The following U2SURP variants were observed in gnomAD, a reference collection of about 807,000 sequenced individuals.
U2SURP encodes the protein U2 snRNP associated SURP domain containing.
In U2SURP, 9 loss-of-function variants were observed where a neutral mutation model predicts 144.9. That is an observed-to-expected ratio of 0.06 (90% CI 0.04 to 0.11). The LOEUF is 0.11. Ranked by LOEUF, U2SURP falls within the 10% of genes least tolerant of loss-of-function variation. The pLI is 1.00. For missense variants in U2SURP, 724 were observed against 1,226.7 expected, an observed-to-expected ratio of 0.59 and a Z score of 6.12; for synonymous variants, 408 against 396.8, an observed-to-expected ratio of 1.03 and a Z score of -0.33.
chr3:143,009,784 C>T (rs1936030013), intron 1 of U2SURP, among the ~76,000 whole-genome samples: 1 of 152,076 alleles, frequency 6.6e-6, no homozygotes, highest in South Asian at 2.1e-4. Flanking sequence ...GTAAATAAAA[C>T]AATACTGTAT....
intron 18 of U2SURP, 34 bp downstream of exon 18, chr3:143,033,384 T>TA: frequency 1.7e-6 from 2 of 1,154,434 alleles, no homozygotes. Flanking sequence ...ATTCCTGAAA[T>TA]AAAGTATTTA....
In U2SURP at chr3:143,059,934, A is replaced by T. The variant is rs1935306766; in HGVS notation, c.*3484A>T. ...TAATTCATTATCCTTTTGACTTAAA[A>T]TTTTTGTTACCAACTTCCTAGGACT... On this transcript the variant is annotated 3_prime_UTR_variant, in exon 28 of 28. Transcript: ENST00000473835. 2.6e-5 allele frequency: 4 copies of T among 152,342 alleles called. No homozygotes were observed. The Admixed American group carries it at 2.6e-4, about 10-fold the overall frequency. The allele number at this position is 152,342 out of a possible 1,614,324, so 9.4% of individuals were successfully genotyped here. A position where few individuals can be genotyped will look rare whatever the true frequency, so the allele number is the denominator to read the frequency against.
intron 24 of U2SURP, among the ~76,000 whole-genome samples, chr3:143,047,882 A>ACCCC (rs139906758): frequency 7.1e-6 from 1 of 140,360 alleles, no homozygotes; most frequent in Admixed American, 7.0e-5. Context: ...CGGGGGGCTG[A>ACCCC]CCCCCCCCAA....
chr3:143,055,247 A>C (rs1446983096), intron 27 of U2SURP, 128 bp downstream of exon 27: 2 of 825,138 alleles, frequency 2.4e-6, no homozygotes, highest in Non-Finnish European at 3.7e-6. Context: ...CCAAAGAGAT[A>C]CACTTTCATT....
intron 12 of U2SURP, 97 bp from the exon 13 acceptor site, chr3:143,023,878 A>G: frequency 5.4e-6 from 6 of 1,106,168 alleles, no homozygotes; most frequent in South Asian, 1.3e-5. Flanking sequence ...GTGATTAGAT[A>G]TGTAGTATTT....
intron 13 of U2SURP, chr3:143,026,864 G>T: frequency 4.8e-6 from 1 of 209,080 alleles, no homozygotes; most frequent in Non-Finnish European, 9.5e-6. Flanking sequence ...TTTTACTTTT[G>T]GAAAATAAGT....
chr3:143,016,219 T>C (rs527326432), intron 4 of U2SURP, 38 bp from the exon 5 acceptor site: 1 of 1,574,996 alleles, frequency 6.3e-7, no homozygotes, highest in African/African-American at 1.4e-5. Context: ...TTAACAATTT[T>C]TGTATTGTGT....
At chr3:143,021,318 AC>A in intron 8 of U2SURP, 31 bp from the exon 9 acceptor site, 1 of 1,567,100 alleles carries the variant, frequency 6.4e-7, no homozygotes, top group Non-Finnish European at 8.7e-7. Context: ...TATTATAAAA[AC>A]TAATAATTGT....
At chr3:143,035,940 A>G (rs761447393) in intron 19 of U2SURP, 42 bp from the exon 20 acceptor site, 1 of 1,554,178 alleles carries the variant, frequency 6.4e-7, no homozygotes, top group Non-Finnish European at 8.7e-7. Context: ...TGAGACATAT[A>G]GCCCAAAATA....
intron 16 of U2SURP, 128 bp from the exon 17 acceptor site, chr3:143,032,654 CTG>C (rs1933573060): frequency 5.5e-6 from 4 of 729,390 alleles, no homozygotes; most frequent in Non-Finnish European, 8.5e-6. Flanking sequence ...ACAAATCAGA[CTG>C]AATGTATTAC....
intron 21 of U2SURP, 107 bp downstream of exon 21, chr3:143,037,442 G>A (rs1933873928): frequency 3.7e-5 from 38 of 1,032,968 alleles, no homozygotes; most frequent in South Asian, 1.8e-5. Flanking sequence ...TCTCATGAAC[G>A]TATCAAGTTA....
intron 1 of U2SURP, among the ~76,000 whole-genome samples, chr3:143,007,894 C>G (rs987575899): frequency 8.5e-5 from 13 of 152,324 alleles, no homozygotes; most frequent in South Asian, 2.1e-4. Context: ...TTTACCTTGA[C>G]TGTTATCTTT....
chr3:143,038,378 A>G (rs1199284655), intron 22 of U2SURP, among the ~76,000 whole-genome samples, 175 bp downstream of exon 22: 4 of 151,890 alleles, frequency 2.6e-5, no homozygotes, highest in East Asian at 1.9e-4. Flanking sequence ...TGCTGTTACA[A>G]TTTTCTTAGG....
intron 20 of U2SURP, 22 bp downstream of exon 20, chr3:143,036,126 GGTT>G (rs1933796884): frequency 1.9e-6 from 3 of 1,570,396 alleles, no homozygotes; most frequent in Non-Finnish European, 2.6e-6. Context: ...GTATTTGTCT[GGTT>G]GTTTTTAAAA....
At chr3:143,019,807 A>G (rs1936545495) in intron 6 of U2SURP, among the ~76,000 whole-genome samples, 162 bp from the exon 7 acceptor site, 2 of 152,182 alleles carry the variant, frequency 1.3e-5, no homozygotes, top group Non-Finnish European at 2.9e-5. Flanking sequence ...TTTTGAAGGA[A>G]GGGGAAGGGA....
chr3:143,053,543 T>TC lies in U2SURP; in HGVS notation c.2656-133_2656-132insC, dbSNP rs1200235366. On this transcript the variant is annotated intron_variant, in intron 25 of 27. Coordinates refer to ENST00000473835, the MANE Select transcript of U2SURP (RefSeq NM_001080415.2). ...TTTCCCTGAAGGGGTAGATTTTTTTTTTTTTAATAGTATTGTACCTTAAGT... is the reference window on the plus strand; with the variant it reads ...TTTCCCTGAAGGGGTAGATTTTTTTTCTTTTTAATAGTATTGTACCTTAAGT... 6.2e-6 allele frequency: 4 copies of TC among 640,704 alleles called. No individual in the cohort carries two copies. In the South Asian group the frequency reaches 1.5e-4, roughly 24 times the overall value. The allele number at this position is 640,704 out of a possible 1,614,324, so 39.7% of individuals were successfully genotyped here. A position where few individuals can be genotyped will look rare whatever the true frequency, so the allele number is the denominator to read the frequency against.
chr3:143,027,073 T>G, intron 13 of U2SURP, 76 bp from the exon 14 acceptor site: 1 of 1,120,690 alleles, frequency 8.9e-7, no homozygotes, highest in African/African-American at 1.5e-5. Context: ...TGCACAATTA[T>G]AGTAACTTAG....
chr3:143,049,328 A>G (rs1397939014), intron 24 of U2SURP, among the ~76,000 whole-genome samples: 3 of 121,276 alleles, frequency 2.5e-5, no homozygotes, highest in Non-Finnish European at 5.0e-5. Context: ...GAGAAATGGT[A>G]AAGACTAATT....
intron 8 of U2SURP, 121 bp from the exon 9 acceptor site, chr3:143,021,229 G>GTC (rs1415538185): frequency 9.4e-7 from 1 of 1,064,556 alleles, no homozygotes; most frequent in Non-Finnish European, 1.4e-6. Flanking sequence ...GTGTGAAGTG[G>GTC]TCTCTCTTTT....
Sources: gnomAD v4.1 joint callset for allele counts (sites outside exome capture counted in the v4.1 genomes callset) on GRCh38, gnomAD v4.1.1 for gene constraint, MANE v1.5 for transcripts, NCBI Gene and HGNC (gene_info 2026-07-23, HGNC 2026-07-21) for gene names.